TCF4: variants seen among roughly 807,000 people sequenced by gnomAD.
TCF4 encodes the protein transcription factor 4.
TCF4 carries 3 observed loss-of-function variants against 82.1 expected under a neutral mutation model. The observed-to-expected ratio is 0.04, with a 90% confidence interval of 0.02 to 0.09. TCF4 has a LOEUF of 0.09. Ranked by LOEUF, TCF4 falls within the 10% of genes least tolerant of loss-of-function variation. TCF4 has a pLI of 1.00. For synonymous variants in TCF4, 276 were observed against 309.6 expected, an observed-to-expected ratio of 0.89 and a Z score of 1.14; for missense variants, 518 against 852.7, an observed-to-expected ratio of 0.61 and a Z score of 4.89.
At chr18:55,587,735 G>A (rs1329303994) in intron 1 of TCF4, among the ~76,000 whole-genome samples, 5 of 151,732 alleles carry the variant, frequency 3.3e-5, no homozygotes, top group African/African-American at 7.3e-5. Flanking sequence ...GGAGCGGAGT[G>A]GAGGGTCGGG....
intron 2 of TCF4, among the ~76,000 whole-genome samples, chr18:55,612,385 A>C (rs2097707907): frequency 6.6e-6 from 1 of 152,180 alleles, no homozygotes; most frequent in South Asian, 2.1e-4. Flanking sequence ...TTTGCTTTTA[A>C]GGAATTCCAT....
At chr18:55,242,899 C>T (rs2051771673) in intron 15 of TCF4, among the ~76,000 whole-genome samples, 1 of 152,118 alleles carries the variant, frequency 6.6e-6, no homozygotes, top group Non-Finnish European at 1.5e-5. Flanking sequence ...TGAACCACCG[C>T]GCCTAGCCCA....
chr18:55,635,846 AG>A lies in TCF4; in HGVS notation c.51del (p.Phe18SerfsTer6). 1 of 1,565,632 alleles carries A rather than the reference AG, an allele frequency of 6.4e-7. No homozygotes were observed. On this transcript the variant is annotated frameshift_variant, in exon 1 of 21. Coordinates refer to the TCF4 transcript ENST00000398339. LOFTEE classifies it high-confidence loss of function. Reference sequence around the variant, plus strand: ...TAATTTGTCAAAATGATGAAGATGAAGGGAAAGAGGAGAGGCACCTGTGGTA... The same window carrying A: ...TAATTTGTCAAAATGATGAAGATGAAGGAAAGAGGAGAGGCACCTGTGGTA...
chr18:55,631,012 A>G (rs1326536085), intron 2 of TCF4, among the ~76,000 whole-genome samples: 2 of 151,994 alleles, frequency 1.3e-5, no homozygotes, highest in Non-Finnish European at 2.9e-5. Flanking sequence ...GCCTTGTTGG[A>G]CATATGCAAC....
At chr18:55,306,149 C>T (rs974578957) in intron 8 of TCF4, among the ~76,000 whole-genome samples, 1 of 151,956 alleles carries the variant, frequency 6.6e-6, no homozygotes, top group Non-Finnish European at 1.5e-5. Context: ...ATTATTTGTT[C>T]TACATAGAAG....
chr18:55,280,292 A>G (rs1484007354), intron 8 of TCF4, among the ~76,000 whole-genome samples: 5 of 152,130 alleles, frequency 3.3e-5, no homozygotes, highest in African/African-American at 1.2e-4. Flanking sequence ...GGGAGGAGGG[A>G]GCCCTCCTTT....
intron 8 of TCF4, among the ~76,000 whole-genome samples, chr18:55,341,836 A>G (rs571355134): frequency 1.3e-5 from 2 of 152,284 alleles, no homozygotes; most frequent in South Asian, 4.1e-4. Context: ...TATTTTTCAA[A>G]TGCATGACTT....
chr18:55,231,895 T>G (rs2048026451), intron 17 of TCF4: 1 of 152,424 alleles, frequency 6.6e-6, no homozygotes, highest in Admixed American at 6.5e-5. Flanking sequence ...GTGTTGGTAT[T>G]CAAAAACCAT....
chr18:55,584,538 C>T (rs2097614450), intron 3 of TCF4, among the ~76,000 whole-genome samples: 1 of 151,880 alleles, frequency 6.6e-6, no homozygotes, highest in Non-Finnish European at 1.5e-5. Context: ...TTCGAATAGC[C>T]CTGTAATAAA....
chr18:55,456,565 G>C (rs1160899094), intron 5 of TCF4, among the ~76,000 whole-genome samples: 3 of 152,048 alleles, frequency 2.0e-5, no homozygotes, highest in African/African-American at 7.3e-5. Flanking sequence ...TCGATGCTCT[G>C]GAATAATAAA....
chr18:55,493,206 A>G (rs2096594205), intron 3 of TCF4, among the ~76,000 whole-genome samples: 1 of 152,152 alleles, frequency 6.6e-6, no homozygotes, highest in African/African-American at 2.4e-5. Flanking sequence ...AAAAACAAGA[A>G]ACTAAATACC....
chr18:55,387,076 T>C (rs571390437), intron 6 of TCF4, among the ~76,000 whole-genome samples: 2 of 152,368 alleles, frequency 1.3e-5, no homozygotes, highest in African/African-American at 4.8e-5. Context: ...GTATTAGGAC[T>C]GTGGAAAGGT....
intron 3 of TCF4, among the ~76,000 whole-genome samples, chr18:55,505,759 C>G (rs1217961945): frequency 1.3e-5 from 2 of 148,354 alleles, no homozygotes; most frequent in African/African-American, 4.9e-5. Flanking sequence ...AGCCGAGATC[C>G]CGCCACTGCA....
chr18:55,295,568 C>G (rs1284910014), intron 8 of TCF4, among the ~76,000 whole-genome samples: 4 of 152,184 alleles, frequency 2.6e-5, no homozygotes, highest in African/African-American at 9.7e-5. Context: ...TCCAGGTCCT[C>G]CTATCCGTCT....
At chr18:55,429,043 T>C (rs933910917) in intron 5 of TCF4, among the ~76,000 whole-genome samples, 1 of 152,214 alleles carries the variant, frequency 6.6e-6, no homozygotes, top group Non-Finnish European at 1.5e-5. Flanking sequence ...GCATATTAAA[T>C]ATATTTTGTC....
At chr18:55,537,471 T>C (rs945745153) in intron 3 of TCF4, among the ~76,000 whole-genome samples, 1 of 151,996 alleles carries the variant, frequency 6.6e-6, no homozygotes, top group Non-Finnish European at 1.5e-5. Context: ...GTGCCTGTGA[T>C]CCCAACTACT....
At chr18:55,250,952 G>A (rs909747928) in intron 15 of TCF4, among the ~76,000 whole-genome samples, 2 of 152,150 alleles carry the variant, frequency 1.3e-5, no homozygotes, top group Admixed American at 6.5e-5. Context: ...AAGGCTTCCT[G>A]GAAGAAGAAT....
At chr18:55,237,467 C>CTTTTTTTTT (rs538071929) in intron 15 of TCF4, among the ~76,000 whole-genome samples, 3 of 122,670 alleles carry the variant, frequency 2.4e-5, no homozygotes, top group Non-Finnish European at 3.4e-5. Context: ...GTTGTTCTGA[C>CTTTTTTTTT]TTTTTTTTTT....
chr18:55,362,393 AGAAG>A (rs1190854292), intron 6 of TCF4, among the ~76,000 whole-genome samples: 526 of 43,402 alleles, frequency 0.012, 8 homozygotes, highest in Non-Finnish European at 0.014. Flanking sequence ...AAGGAAGGAA[AGAAG>A]GAAGGAAGGA....
Sources: gnomAD v4.1 joint callset for allele counts (sites outside exome capture counted in the v4.1 genomes callset) on GRCh38, gnomAD v4.1.1 for gene constraint, MANE v1.5 for transcripts, NCBI Gene and HGNC (gene_info 2026-07-23, HGNC 2026-07-21) for gene names.